BEND4: variants seen among roughly 807,000 people sequenced by gnomAD.
BEND4 encodes BEN domain containing 4.
BEND4 carries 27 observed loss-of-function variants against 54.7 expected under a neutral mutation model. The observed-to-expected ratio is 0.49, with a 90% CI of 0.36 to 0.68. The LOEUF (loss-of-function observed/expected upper bound fraction) is 0.68, where lower values mean the gene tolerates loss of function less well. Among genes scored for constraint, BEND4 ranks in the 30% least tolerant of loss-of-function variants. The pLI is 0.00. For synonymous variants in BEND4, 327 were observed against 299.5 expected, an observed-to-expected ratio of 1.09 and a Z score of -0.95; for missense variants, 702 against 697.2, an observed-to-expected ratio of 1.01 and a Z score of -0.08.
chr4:42,142,294 GC>G (rs1720917254), intron 3 of BEND4, among the ~76,000 whole-genome samples: 1 of 151,258 alleles, frequency 6.6e-6, no homozygotes, highest in Non-Finnish European at 1.5e-5. Flanking sequence ...TCTTCTGTAA[GC>G]TACAGACGTA....
chr4:42,123,091 CAAGAAAAAGGGA>C (rs997570426), intron 4 of BEND4, among the ~76,000 whole-genome samples: 2 of 151,988 alleles, frequency 1.3e-5, no homozygotes, highest in African/African-American at 4.8e-5. Context: ...TAATTTTCAT[CAAGAAAAAGGGA>C]AAGAAAAAGA....
intron 2 of BEND4, among the ~76,000 whole-genome samples, chr4:42,144,505 T>G (rs1721009024): frequency 6.6e-6 from 1 of 152,354 alleles, no homozygotes; most frequent in South Asian, 2.1e-4. Context: ...TAAGTCTTTT[T>G]GAAGAGCTCA....
In BEND4 at chr4:42,112,078, T is replaced by C; in HGVS notation, c.*5440A>G. 6.6e-6 allele frequency: 1 copy of C among 152,168 alleles called. No homozygotes were observed. Among genetic ancestry groups the C allele is most frequent in the South Asian group, 2.1e-4 (1 of 4,828 alleles). 9.4% of individuals were successfully genotyped at this position (152,168 alleles called of 1,614,324 possible). ...CAATACACAAATATCAACTCTCCCT[T>C]GATGGCATAAATAAAACAACAAATC... On this transcript the variant is annotated 3_prime_UTR_variant, in exon 6 of 6. Coordinates refer to ENST00000502486, the MANE Select transcript of BEND4 (RefSeq NM_207406.4).
At position 42,111,478 on chromosome 4, in the gene BEND4, A is replaced by T. The variant is rs1577739228; in HGVS notation, c.*6040T>A. 6.6e-6 allele frequency: 1 copy of T among 152,212 alleles called. No homozygotes were observed. The highest frequency in any genetic ancestry group is 1.9e-4 in the East Asian group (1 of 5,192). The allele number at this position is 152,212 out of a possible 1,614,324, so 9.4% of individuals were successfully genotyped here. On this transcript the variant is annotated 3_prime_UTR_variant, in exon 6 of 6. Coordinates refer to ENST00000502486, the MANE Select transcript of BEND4 (RefSeq NM_207406.4). Reference sequence around the variant, plus strand: ...TGCGCAGGGTCGGGCTGGAACAGTGACCTTGAAAGCTTCATGACCCACCTC... The same window carrying T: ...TGCGCAGGGTCGGGCTGGAACAGTGTCCTTGAAAGCTTCATGACCCACCTC...
chr4:42,113,207 T>C lies in BEND4; in HGVS notation c.*4311A>G, dbSNP rs1004214621. 1 of 152,182 alleles carries C rather than the reference T, an allele frequency of 6.6e-6. No individual in the cohort carries two copies. The allele number at this position is 152,182 out of a possible 1,614,324, so 9.4% of individuals were successfully genotyped here. On this transcript the variant is annotated 3_prime_UTR_variant, in exon 6 of 6. Coordinates refer to ENST00000502486, the MANE Select transcript of BEND4 (RefSeq NM_207406.4). ...TCTAAAAATCTGTATATATGAGCTG[T>C]CAAAAATTAACGCAGATCTGTACTG...
chr4:42,111,813 C>G lies in BEND4; in HGVS notation c.*5705G>C, dbSNP rs1455318805. 1 of 152,202 alleles carries G rather than the reference C, an allele frequency of 6.6e-6. No homozygotes were observed. The highest frequency in any genetic ancestry group is 1.5e-5 in the Non-Finnish European group (1 of 68,036). 9.4% of individuals were successfully genotyped at this position (152,202 alleles called of 1,614,324 possible). A position where few individuals can be genotyped will look rare whatever the true frequency, so the allele number is the denominator to read the frequency against. The stretch of plus-strand genomic sequence containing the variant: ...ATCTAGGAGTTCCCAAAGACTCTCA[C>G]TTCACTGAGTTCAAATGTTTGCTTT... On this transcript the variant is annotated 3_prime_UTR_variant, in exon 6 of 6. Transcript: ENST00000502486.
chr4:42,126,568 T>C (rs1272006030), intron 3 of BEND4, among the ~76,000 whole-genome samples: 2 of 152,254 alleles, frequency 1.3e-5, no homozygotes, highest in South Asian at 2.1e-4. Flanking sequence ...CTTAGTCTTA[T>C]AGACTCATTG....
intron 2 of BEND4, among the ~76,000 whole-genome samples, chr4:42,150,116 G>C (rs1285866107): frequency 6.6e-6 from 1 of 151,974 alleles, no homozygotes; most frequent in East Asian, 1.9e-4. Flanking sequence ...GCTGAGCCTA[G>C]AAATAAACAC....
rs1195196913 is a variant in BEND4, at chr4:42,114,514, C to T, written c.*3004G>A. 1 of 152,150 alleles carries T rather than the reference C, an allele frequency of 6.6e-6. No homozygotes were observed. Among genetic ancestry groups the T allele is most frequent in the Non-Finnish European group, 1.5e-5 (1 of 68,036 alleles). 9.4% of individuals were successfully genotyped at this position (152,150 alleles called of 1,614,324 possible). On this transcript the variant is annotated 3_prime_UTR_variant, in exon 6 of 6. Coordinates refer to ENST00000502486, the MANE Select transcript of BEND4 (RefSeq NM_207406.4). ...CTCAATCTATTTTACACTACCAATG[C>T]TAACATGACTCAAGAAGGACTCTAA...
At chr4:42,119,213 T>C (rs560446996) in intron 5 of BEND4, among the ~76,000 whole-genome samples, 8 of 152,306 alleles carry the variant, frequency 5.3e-5, no homozygotes, top group Admixed American at 2.6e-4. Flanking sequence ...ATCCGGCTTT[T>C]TTTTTTACTG....
chr4:42,120,204 G>T lies in BEND4; in HGVS notation c.1237C>A (p.Arg413=). The T allele has an allele frequency of 6.2e-7, 1 of 1,613,874 alleles. No individual in the cohort carries two copies. The highest frequency in any genetic ancestry group is 8.5e-7 in the Non-Finnish European group (1 of 1,179,860). The change falls in exon 5 of 6, where the codon CGG becomes AGG. Residue 413 remains arginine, a synonymous_variant. Transcript: ENST00000502486. ...AATCTGATGAGGTATCGAAGGAGCCGTCTCCCATCTTTCTTTGAAGAATTT... is the reference window on the plus strand; with the variant it reads ...AATCTGATGAGGTATCGAAGGAGCCTTCTCCCATCTTTCTTTGAAGAATTT... ...AVNSSKKDGR[R]LLRYLIRFVF... is the part of the protein sequence containing the mutation.
intron 2 of BEND4, among the ~76,000 whole-genome samples, chr4:42,146,588 T>TC (rs1721090176): frequency 1.3e-5 from 2 of 152,000 alleles, no homozygotes; most frequent in Admixed American, 6.6e-5. Flanking sequence ...CTACACTCAT[T>TC]TTTTTACTTC....
intron 3 of BEND4, among the ~76,000 whole-genome samples, chr4:42,133,865 A>G (rs1004835678): frequency 6.6e-6 from 1 of 152,214 alleles, no homozygotes; most frequent in Admixed American, 6.5e-5. Context: ...AAAAACAAAC[A>G]AACAAACAAA....
In BEND4 at chr4:42,111,269, T is replaced by C. The variant is rs2153143459; in HGVS notation, c.*6249A>G. On this transcript the variant is annotated 3_prime_UTR_variant, in exon 6 of 6. Coordinates refer to ENST00000502486, the MANE Select transcript of BEND4 (RefSeq NM_207406.4). ...TGGGTATTAACTCTACACAGTACAATCAAATAGAAATTATTCATAGAGAAT... is the reference window on the plus strand; with the variant it reads ...TGGGTATTAACTCTACACAGTACAACCAAATAGAAATTATTCATAGAGAAT... The C allele has an allele frequency of 6.6e-6, 1 of 152,278 alleles. No individual in the cohort carries two copies. Among genetic ancestry groups the C allele is most frequent in the South Asian group, 2.1e-4 (1 of 4,830 alleles). 9.4% of individuals were successfully genotyped at this position (152,278 alleles called of 1,614,324 possible).
Position 42,134,998 on chromosome 4 carries a change from T to C in BEND4, c.1054+8430A>G, listed in dbSNP as rs973934973. Among the ~76,000 whole-genome samples, 5 of 152,274 alleles carry C rather than the reference T, an allele frequency of 3.3e-5. 1 individual carries two copies. The highest frequency in any genetic ancestry group is 2.6e-4 in the Admixed American group (4 of 15,304). ...GTGTGTCACACTGAGGATGCTAGAATTTACTCCATAGACTATTTGAAGCCC... is the reference window on the plus strand; with the variant it reads ...GTGTGTCACACTGAGGATGCTAGAACTTACTCCATAGACTATTTGAAGCCC... On this transcript the variant is annotated intron_variant, in intron 3 of 5. Transcript: ENST00000502486.
rs558491518 is a variant in BEND4, at chr4:42,134,855, T to C, written c.1054+8573A>G. ...AGGAAGGCCAGAAGTATGGAAGTGT[T>C]TGACTGTTCAGGGATTCACAAACTG... On this transcript the variant is annotated intron_variant, in intron 3 of 5. Transcript: ENST00000502486. Among the ~76,000 whole-genome samples the C allele has an allele frequency of 5.9e-5, 9 of 152,284 alleles. 1 individual carries two copies. The highest frequency in any genetic ancestry group is 2.2e-4 in the African/African-American group (9 of 41,558).
At chr4:42,122,095 C>T (rs1006144415) in intron 4 of BEND4, among the ~76,000 whole-genome samples, 1 of 152,084 alleles carries the variant, frequency 6.6e-6, no homozygotes, top group Non-Finnish European at 1.5e-5. Flanking sequence ...AGTACTTTTG[C>T]GGAGGAAGCT....
intron 2 of BEND4, among the ~76,000 whole-genome samples, chr4:42,144,549 A>C (rs1222720925): frequency 6.6e-6 from 1 of 152,262 alleles, no homozygotes; most frequent in African/African-American, 2.4e-5. Context: ...GAGTAGGCCT[A>C]TGGGCACAGG....
In BEND4 at chr4:42,111,814, T is replaced by A. The variant is rs772984235; in HGVS notation, c.*5704A>T. The A allele has an allele frequency of 9.9e-5, 15 of 152,242 alleles. No homozygotes were observed. Among genetic ancestry groups the A allele is most frequent in the Non-Finnish European group, 1.9e-4 (13 of 68,040 alleles). 9.4% of individuals were successfully genotyped at this position (152,242 alleles called of 1,614,324 possible). On this transcript the variant is annotated 3_prime_UTR_variant, in exon 6 of 6. Coordinates refer to ENST00000502486, the MANE Select transcript of BEND4 (RefSeq NM_207406.4). Reference sequence around the variant, plus strand: ...TCTAGGAGTTCCCAAAGACTCTCACTTCACTGAGTTCAAATGTTTGCTTTT... The same window carrying A: ...TCTAGGAGTTCCCAAAGACTCTCACATCACTGAGTTCAAATGTTTGCTTTT...
Sources: gnomAD v4.1 joint callset for allele counts (sites outside exome capture counted in the v4.1 genomes callset) on GRCh38, gnomAD v4.1.1 for gene constraint, MANE v1.5 for transcripts, NCBI Gene and HGNC (gene_info 2026-07-23, HGNC 2026-07-21) for gene names.